The following CELF2 variants were observed in gnomAD, a reference collection of about 807,000 sequenced individuals.
CELF2 encodes CUG triplet repeat RNA-binding protein 2.
Under a neutral mutation model 62.6 loss-of-function variants are expected in CELF2, and 8 were observed. The observed-to-expected ratio is 0.13, with a 90% CI of 0.07 to 0.23. The LOEUF is 0.23. Among genes scored for constraint, CELF2 ranks in the 10% least tolerant of loss-of-function variants. CELF2 has a pLI of 1.00. For missense variants in CELF2, 333 were observed against 671.0 expected (o/e 0.50, Z 5.56); for synonymous variants, 258 against 250.0 (o/e 1.03, Z -0.30).
chr10:11,241,672 A>C (rs909368136), intron 3 of CELF2, among the ~76,000 whole-genome samples: 1 of 152,130 alleles, frequency 6.6e-6, no homozygotes, highest in Non-Finnish European at 1.5e-5. Context: ...CACCATCCCT[A>C]AAGCTATTTT....
At chr10:11,022,141 G>T (rs1448533463) in intron 1 of CELF2, among the ~76,000 whole-genome samples, 1 of 152,108 alleles carries the variant, frequency 6.6e-6, no homozygotes, top group Non-Finnish European at 1.5e-5. Flanking sequence ...GGTCATGAAA[G>T]GAAATTAAAA....
rs191338714 is a variant in CELF2, at chr10:10,806,822, A to T, written c.53+8005A>T. On this transcript the variant is annotated intron_variant, in intron 1 of 13. Coordinates refer to the CELF2 transcript ENST00000636488. ...AGAGTATTTGGTAAGGGGTGACCATATGTGTAAGATGGAAGGATCCAGTCC... is the reference window on the plus strand; with the variant it reads ...AGAGTATTTGGTAAGGGGTGACCATTTGTGTAAGATGGAAGGATCCAGTCC... Among the ~76,000 whole-genome samples, 233 of 152,328 alleles carry T rather than the reference A, an allele frequency of 1.5e-3. 2 individuals are homozygous for T. The highest frequency in any genetic ancestry group is 5.5e-3 in the African/African-American group (227 of 41,560).
intron 1 of CELF2, among the ~76,000 whole-genome samples, chr10:11,084,752 G>GA (rs36011196): frequency 0.078 from 11,772 of 150,518 alleles, 1,566 homozygotes; most frequent in African/African-American, 0.27. Flanking sequence ...GAGAATAAAA[G>GA]AAAAAAAAAC....
chr10:10,856,737 A>G (rs2059734506), intron 1 of CELF2, among the ~76,000 whole-genome samples: 1 of 152,144 alleles, frequency 6.6e-6, no homozygotes, highest in Non-Finnish European at 1.5e-5. Flanking sequence ...CTGAAATATC[A>G]TTTTTCATAA....
At chr10:10,766,307 G>C in the CELF2 span, among the ~76,000 whole-genome samples, 1 of 152,132 alleles carries the variant, frequency 6.6e-6, no homozygotes, top group South Asian at 2.1e-4. Flanking sequence ...TGAGGCACAC[G>C]GAATAATGAG....
chr10:11,087,221 T>C (rs1452746996), intron 1 of CELF2, among the ~76,000 whole-genome samples: 2 of 152,208 alleles, frequency 1.3e-5, no homozygotes, highest in African/African-American at 4.8e-5. Context: ...GGAATGCTCT[T>C]CATATACCGG....
At chr10:11,143,545 C>A (rs978177746) in intron 1 of CELF2, among the ~76,000 whole-genome samples, 10 of 152,292 alleles carry the variant, frequency 6.6e-5, no homozygotes, top group African/African-American at 2.4e-4. Flanking sequence ...GATTTCCACC[C>A]CAGAAGAATT....
the CELF2 span, among the ~76,000 whole-genome samples, chr10:10,783,888 T>C: frequency 6.6e-6 from 1 of 151,836 alleles, no homozygotes; most frequent in Non-Finnish European, 1.5e-5. Flanking sequence ...CTTGGGAGGC[T>C]GAGGCAGGAG....
intron 9 of CELF2, among the ~76,000 whole-genome samples, chr10:11,293,482 A>G (rs764900392): frequency 8.5e-5 from 13 of 152,216 alleles, no homozygotes; most frequent in Non-Finnish European, 1.6e-4. Context: ...TTCCTAGCTC[A>G]TTCTAGACCT....
At chr10:10,605,259 T>C in the CELF2 span, among the ~76,000 whole-genome samples, 1 of 146,236 alleles carries the variant, frequency 6.8e-6, no homozygotes, top group Non-Finnish European at 1.5e-5. Flanking sequence ...CAACACACAC[T>C]GAGGCTTGTC....
intron 2 of CELF2, among the ~76,000 whole-genome samples, chr10:10,964,989 A>C (rs2049965553): frequency 6.6e-6 from 1 of 152,192 alleles, no homozygotes; most frequent in African/African-American, 2.4e-5. Context: ...AATGAAAAAA[A>C]CTGTGCAGTC....
At chr10:11,013,467 G>C (rs2056794528), upstream of CELF2, among the ~76,000 whole-genome samples, 1 of 152,102 alleles carries the variant, frequency 6.6e-6, no homozygotes, top group South Asian at 2.1e-4. The surrounding 1 kb of genome is among the most constrained non-coding windows in gnomAD (Gnocchi z 4.1). Context: ...CGAGTGAGAA[G>C]GTATGTATCC....
chr10:10,737,147 A>T, the CELF2 span, among the ~76,000 whole-genome samples: 1 of 152,160 alleles, frequency 6.6e-6, no homozygotes, highest in South Asian at 2.1e-4. Flanking sequence ...TTCTACTTTA[A>T]TGTGTTTGTT....
chr10:10,918,759 T>C (rs2064582726), intron 1 of CELF2, among the ~76,000 whole-genome samples: 1 of 152,232 alleles, frequency 6.6e-6, no homozygotes, highest in South Asian at 2.1e-4. Context: ...TTGTATATAT[T>C]GTTATTTTCT....
At chr10:10,737,266 A>G in the CELF2 span, among the ~76,000 whole-genome samples, 2 of 152,170 alleles carry the variant, frequency 1.3e-5, no homozygotes, top group East Asian at 1.9e-4. Flanking sequence ...TTGAAAAGCT[A>G]TGAAGATTTA....
upstream of CELF2, among the ~76,000 whole-genome samples, chr10:10,797,187 T>C (rs2054190652): frequency 6.6e-6 from 1 of 152,072 alleles, no homozygotes; most frequent in South Asian, 2.1e-4. Flanking sequence ...GAACAGAGAT[T>C]CTCTTTCTTA....
chr10:10,580,212 A>G, the CELF2 span, among the ~76,000 whole-genome samples: 12 of 152,168 alleles, frequency 7.9e-5, no homozygotes, highest in African/African-American at 2.7e-4. Context: ...TGGATTAATT[A>G]AGGTGGGGGC....
At chr10:10,831,783 C>T (rs769270324) in intron 1 of CELF2, among the ~76,000 whole-genome samples, 4 of 152,160 alleles carry the variant, frequency 2.6e-5, no homozygotes, top group Non-Finnish European at 4.4e-5. Flanking sequence ...ACCAGCCTGA[C>T]CAACATGGTG....
rs1428780383 is a variant in CELF2, at chr10:10,805,609, CA to C, written c.53+6793del. On this transcript the variant is annotated intron_variant, in intron 1 of 13. Transcript: ENST00000636488. ...GGCCTTGAGCTGTTAGAAACTATGT[CA>C]GTGTTTGTTCAAGTCTTTTAATGAG... Among the ~76,000 whole-genome samples, 3 of 152,038 alleles carry C rather than the reference CA, an allele frequency of 2.0e-5. No homozygotes were observed. In the East Asian group the frequency reaches 5.8e-4, roughly 29 times the overall value.
Sources: gnomAD v4.1 joint callset for allele counts (sites outside exome capture counted in the v4.1 genomes callset) on GRCh38, gnomAD v4.1.1 for gene constraint, Gnocchi (gnomAD v3.1) non-coding constraint, MANE v1.5 for transcripts, NCBI Gene and HGNC (gene_info 2026-07-23, HGNC 2026-07-21) for gene names.